Variants in RAB27B observed in about 807,000 individuals in gnomAD.
RAB27B encodes the protein RAB27B, member RAS oncogene family.
Under a neutral mutation model 24.6 loss-of-function variants are expected in RAB27B, and 15 were observed. The ratio of observed to expected loss-of-function variants is 0.61; its 90% CI spans 0.41 to 0.94. The LOEUF (loss-of-function observed/expected upper bound fraction) is 0.94, where lower values mean the gene tolerates loss of function less well. Ranked by LOEUF, RAB27B falls within the 40% of genes least tolerant of loss-of-function variation. The pLI is 0.00. For missense variants in RAB27B, 261 were observed against 266.8 expected (o/e 0.98, Z 0.15); for synonymous variants, 105 against 92.5 (o/e 1.14, Z -0.78).
intron 1 of RAB27B, among the ~76,000 whole-genome samples, chr18:54,838,602 T>G (rs1910986536): frequency 6.6e-6 from 1 of 152,206 alleles, no homozygotes; most frequent in Non-Finnish European, 1.5e-5. Context: ...TTCTTTGTTA[T>G]GGATCCATCA....
At chr18:54,750,663 T>C (rs1405057402) in intron 2 of RAB27B, among the ~76,000 whole-genome samples, 1 of 152,190 alleles carries the variant, frequency 6.6e-6, no homozygotes, top group Non-Finnish European at 1.5e-5. Flanking sequence ...TGCCAGGCTC[T>C]GTCTTAGTGC....
intron 2 of RAB27B, among the ~76,000 whole-genome samples, chr18:54,762,524 C>T (rs954561336): frequency 9.2e-5 from 14 of 152,206 alleles, no homozygotes; most frequent in African/African-American, 3.4e-4. Context: ...CACTCTGCCA[C>T]ATTGTGCACT....
intron 2 of RAB27B, among the ~76,000 whole-genome samples, chr18:54,805,266 G>A (rs554631246): frequency 3.2e-4 from 49 of 152,168 alleles, no homozygotes; most frequent in South Asian, 1.2e-3. Context: ...GACAACTCTC[G>A]TAGACTAAGG....
chr18:54,741,692 A>T (rs1910077136), intron 2 of RAB27B, among the ~76,000 whole-genome samples: 1 of 151,948 alleles, frequency 6.6e-6, no homozygotes, highest in Admixed American at 6.6e-5. Context: ...TTGTAGAGAG[A>T]GGGTCTCACC....
intron 1 of RAB27B, 103 bp downstream of exon 1, chr18:54,828,803 TGTGTGCATGTGTGAGTGC>T: frequency 6.6e-6 from 1 of 152,642 alleles, no homozygotes; most frequent in South Asian, 2.1e-4. Flanking sequence ...TGTGTGTGTG[TGTGTGCATGTGTGAGTGC>T]GTGTGCACCT....
intron 2 of RAB27B, among the ~76,000 whole-genome samples, chr18:54,819,808 C>T (rs1009503636): frequency 2.2e-5 from 3 of 137,164 alleles, no homozygotes; most frequent in Admixed American, 7.7e-5. Flanking sequence ...GTGTGATGTT[C>T]CCCTTCCTGT....
intron 2 of RAB27B, among the ~76,000 whole-genome samples, chr18:54,728,384 G>A (rs923641621): frequency 6.6e-6 from 1 of 152,174 alleles, no homozygotes; most frequent in African/African-American, 2.4e-5. Context: ...CCCTCAGCTA[G>A]AAAGACAATC....
At chr18:54,797,467 G>C (rs545738045) in intron 2 of RAB27B, among the ~76,000 whole-genome samples, 1 of 152,322 alleles carries the variant, frequency 6.6e-6, no homozygotes, top group Non-Finnish European at 1.5e-5. Flanking sequence ...AGTGAGCTGA[G>C]ATTGCACCAC....
intron 1 of RAB27B, among the ~76,000 whole-genome samples, chr18:54,844,112 C>T (rs1568092451): frequency 6.6e-6 from 1 of 152,150 alleles, no homozygotes; most frequent in African/African-American, 2.4e-5. Flanking sequence ...TAAAACACAA[C>T]ATATAGATAT....
rs751485505 is a variant in RAB27B at position 54,754,854 on chromosome 18, TA to T, written c.-20+36716del. ...TATCTTTAAATTGTTTCCTGAGTTG[TA>T]AATATCTTATAACCATGTGACTGGC... is the stretch of plus-strand genomic sequence containing the variant. On this transcript the variant is annotated intron_variant, in intron 2 of 4. Transcript: ENST00000586570. 1.4e-4 allele frequency among the ~76,000 whole-genome samples: 22 copies of T among 152,308 alleles called. 1 individual carries two copies. In the East Asian group the frequency reaches 4.2e-3, roughly 29 times the overall value.
chr18:54,840,812 C>A (rs887296183), intron 1 of RAB27B, among the ~76,000 whole-genome samples: 2 of 152,018 alleles, frequency 1.3e-5, no homozygotes, highest in African/African-American at 4.8e-5. Flanking sequence ...GTATCTTTGA[C>A]AATAAGTTCT....
intron 1 of RAB27B, among the ~76,000 whole-genome samples, chr18:54,846,348 T>C (rs1911337006): frequency 6.6e-6 from 1 of 152,260 alleles, no homozygotes; most frequent in Non-Finnish European, 1.5e-5. Flanking sequence ...AGGAGCCTAA[T>C]CCCATTTCCT....
At position 54,888,584 on chromosome 18, in the gene RAB27B, G is replaced by A. The variant is rs186778424; in HGVS notation, c.467+466G>A. 7.9e-4 allele frequency among the ~76,000 whole-genome samples: 120 copies of A among 151,782 alleles called. No individual in the cohort carries two copies. The South Asian group carries it at 0.018, about 23-fold the overall frequency. On this transcript the variant is annotated intron_variant, in intron 5 of 5. Transcript: ENST00000262094. ...TCCCTGACAAGGGTATGAAAATGTGGTCTTTATCCCAGCTGAGCTTGAATG... is the reference window on the plus strand; with the variant it reads ...TCCCTGACAAGGGTATGAAAATGTGATCTTTATCCCAGCTGAGCTTGAATG...
chr18:54,725,789 C>T (rs1020443969), intron 2 of RAB27B, among the ~76,000 whole-genome samples: 2 of 151,432 alleles, frequency 1.3e-5, no homozygotes, highest in Admixed American at 6.6e-5. Context: ...GTCTCTGTCA[C>T]GACATGTGGG....
intron 2 of RAB27B, among the ~76,000 whole-genome samples, chr18:54,781,631 T>C (rs1908920813): frequency 6.6e-6 from 1 of 152,202 alleles, no homozygotes; most frequent in Non-Finnish European, 1.5e-5. Context: ...ATTTTGGTTC[T>C]AGCTCCATCC....
chr18:54,879,571 AATAGAC>A, intron 3 of RAB27B, 117 bp downstream of exon 3: 1 of 839,228 alleles, frequency 1.2e-6, no homozygotes, highest in Non-Finnish European at 2.0e-6. Flanking sequence ...CTGGTTTCAA[AATAGAC>A]ATTTGTATCC....
At chr18:54,719,678 A>G (rs1280623844) in intron 2 of RAB27B, among the ~76,000 whole-genome samples, 1 of 151,928 alleles carries the variant, frequency 6.6e-6, no homozygotes, top group Admixed American at 6.6e-5. Flanking sequence ...TTTTAAACCT[A>G]TTTTTGCATT....
intron 2 of RAB27B, among the ~76,000 whole-genome samples, chr18:54,736,263 C>T (rs1469792345): frequency 1.3e-5 from 2 of 152,070 alleles, no homozygotes; most frequent in Non-Finnish European, 2.9e-5. Context: ...GGAATTGCTG[C>T]AAAAGTAACT....
At chr18:54,785,539 C>T (rs1461834878) in intron 2 of RAB27B, among the ~76,000 whole-genome samples, 1 of 150,494 alleles carries the variant, frequency 6.6e-6, no homozygotes, top group East Asian at 2.0e-4. Flanking sequence ...TATCCCCCTC[C>T]TTCTTATATT....
Sources: gnomAD v4.1 joint callset for allele counts (sites outside exome capture counted in the v4.1 genomes callset) on GRCh38, gnomAD v4.1.1 for gene constraint, MANE v1.5 for transcripts, NCBI Gene and HGNC (gene_info 2026-07-23, HGNC 2026-07-21) for gene names.